FAP: variants seen among roughly 807,000 people sequenced by gnomAD.
FAP encodes fibroblast activation protein alpha, also known as prolyl endopeptidase FAP.
In FAP, 110 loss-of-function variants were observed where a neutral mutation model predicts 126.5. The observed-to-expected ratio is 0.87, with a 90% CI of 0.74 to 1.02. FAP has a LOEUF of 1.02. FAP is among the 50% of genes least tolerant of loss of function. The probability of loss-of-function intolerance (pLI) is 0.00; values close to 1 mark genes in which losing one functional copy is unlikely to be tolerated. For synonymous variants in FAP, 334 were observed against 297.3 expected, an observed-to-expected ratio of 1.12 and a Z score of -1.27; for missense variants, 919 against 909.2, an observed-to-expected ratio of 1.01 and a Z score of -0.14.
intron 2 of FAP, among the ~76,000 whole-genome samples, chr2:162,232,852 G>C (rs1218512819): frequency 6.6e-6 from 1 of 152,178 alleles, no homozygotes; most frequent in African/African-American, 2.4e-5. Context: ...AATGGCAAAT[G>C]ACCCTCTGGT....
At chr2:162,195,004 A>G (rs1005118710) in intron 16 of FAP, 6 of 491,982 alleles carry the variant, frequency 1.2e-5, no homozygotes, top group Non-Finnish European at 1.5e-5. Context: ...ATCCTGAATC[A>G]TTAATATCGA....
intron 12 of FAP, among the ~76,000 whole-genome samples, chr2:162,208,550 T>C (rs572516709): frequency 6.6e-6 from 1 of 152,320 alleles, no homozygotes; most frequent in South Asian, 2.1e-4. Flanking sequence ...AATCTAGTTA[T>C]AGTATCATCT....
chr2:162,189,625 C>G lies in FAP; in HGVS notation c.1549+31G>C, dbSNP rs749363185. 3.5e-5 allele frequency: 44 copies of G among 1,242,082 alleles called. 1 individual carries two copies. The South Asian group carries it at 3.8e-4, about 11-fold the overall frequency. 76.9% of individuals were successfully genotyped at this position (1,242,082 alleles called of 1,614,324 possible). ...GCAAGAAAATTGCTCAGCTTCATAT[C>G]TATAAATGAGAAGTTTTTAAAAGAT... On this transcript the variant is annotated intron_variant, in intron 18 of 25. Coordinates refer to ENST00000188790, the MANE Select transcript of FAP (RefSeq NM_004460.5).
At chr2:162,201,910 C>T (rs1688513479) in intron 14 of FAP, among the ~76,000 whole-genome samples, 1 of 152,324 alleles carries the variant, frequency 6.6e-6, no homozygotes, top group South Asian at 2.1e-4. Flanking sequence ...AAATGAATCT[C>T]CCACCTGTTT....
intron 2 of FAP, among the ~76,000 whole-genome samples, chr2:162,238,255 G>A (rs966040643): frequency 6.6e-6 from 1 of 152,010 alleles, no homozygotes; most frequent in African/African-American, 2.4e-5. Flanking sequence ...TTGACTGTCT[G>A]TGGTTCTTAA....
At chr2:162,220,701 T>A (rs973434567) in intron 6 of FAP, among the ~76,000 whole-genome samples, 6 of 152,188 alleles carry the variant, frequency 3.9e-5, no homozygotes, top group Admixed American at 6.5e-5. Context: ...ATGCTTAGAG[T>A]CACTCTGCAA....
intron 21 of FAP, among the ~76,000 whole-genome samples, chr2:162,177,209 T>C (rs564334985): frequency 6.6e-6 from 1 of 152,274 alleles, no homozygotes; most frequent in Non-Finnish European, 1.5e-5. Context: ...CCATTTTGTT[T>C]AAATGAGGGA....
Position 162,198,417 on chromosome 2 carries a change from G to T in FAP, c.1402+340C>A. On this transcript the variant is annotated intron_variant, in intron 16 of 25. Coordinates refer to ENST00000188790, the MANE Select transcript of FAP (RefSeq NM_004460.5). Reference sequence around the variant, plus strand: ...AGGTCTTGCGAAGCCTAGCTGACGGGTTGCCTCTGCACGCAGTCTTAGTGC... The same window carrying T: ...AGGTCTTGCGAAGCCTAGCTGACGGTTTGCCTCTGCACGCAGTCTTAGTGC... 6 of 1,165,604 alleles carry T rather than the reference G, an allele frequency of 5.1e-6. No individual in the cohort carries two copies. The South Asian group carries it at 8.8e-5, about 17-fold the overall frequency. The allele number at this position is 1,165,604 out of a possible 1,614,324, so 72.2% of individuals were successfully genotyped here. A position where few individuals can be genotyped will look rare whatever the true frequency, so the allele number is the denominator to read the frequency against.
chr2:162,202,863 A>G lies in FAP; in HGVS notation c.1223+9T>C, dbSNP rs1688549795. 6.2e-7 allele frequency: 1 copy of G among 1,609,578 alleles called. No homozygotes were observed. The highest frequency in any genetic ancestry group is 1.7e-5 in the Admixed American group (1 of 60,002). On this transcript the variant is annotated intron_variant, in intron 14 of 25. Transcript: ENST00000188790. ...CTGAATGGTGCATCGTGCTTCGTGC[A>G]ATACTTACAGTGAATCCTGTGTTAC...
intron 16 of FAP, among the ~76,000 whole-genome samples, chr2:162,195,551 G>T (rs1444195333): frequency 1.3e-5 from 2 of 151,936 alleles, no homozygotes; most frequent in Non-Finnish European, 2.9e-5. Flanking sequence ...GGCGTGCTCA[G>T]CTGTAAGTTG....
intron 17 of FAP, chr2:162,193,638 TATA>T (rs1336800424): frequency 6.6e-6 from 1 of 152,158 alleles, no homozygotes; most frequent in African/African-American, 2.4e-5. Flanking sequence ...AATTAAGAAA[TATA>T]ATCTGTTATT....
chr2:162,221,736 A>G, intron 6 of FAP: 1 of 456,730 alleles, frequency 2.2e-6, no homozygotes, highest in South Asian at 1.5e-5. Flanking sequence ...CACTAAAGGT[A>G]TGAGAAAAGG....
intron 20 of FAP, among the ~76,000 whole-genome samples, chr2:162,187,581 G>C (rs1687904828): frequency 1.3e-5 from 2 of 152,080 alleles, no homozygotes; most frequent in African/African-American, 4.8e-5. Flanking sequence ...ATATATAGTT[G>C]AGAAGAAGAA....
chr2:162,192,141 G>A (rs944368429), intron 17 of FAP, among the ~76,000 whole-genome samples: 2 of 151,888 alleles, frequency 1.3e-5, no homozygotes, highest in Admixed American at 6.6e-5. Context: ...TACAGCCATC[G>A]TCCCACCAAT....
chr2:162,184,063 T>A (rs1687782301), intron 20 of FAP, among the ~76,000 whole-genome samples: 1 of 152,084 alleles, frequency 6.6e-6, no homozygotes, highest in South Asian at 2.1e-4. Context: ...AAAATAAATC[T>A]TTCCTTAGGA....
At chr2:162,206,600 A>G (rs1688705954) in intron 12 of FAP, among the ~76,000 whole-genome samples, 1 of 152,206 alleles carries the variant, frequency 6.6e-6, no homozygotes, top group African/African-American at 2.4e-5. Flanking sequence ...AAAATAATTG[A>G]TGTGACTTTG....
chr2:162,233,007 G>C (rs547415984), intron 2 of FAP, among the ~76,000 whole-genome samples: 1 of 152,148 alleles, frequency 6.6e-6, no homozygotes, highest in South Asian at 2.1e-4. Flanking sequence ...ACTTTCCTAG[G>C]TCATTTCGTT....
At chr2:162,196,270 A>G (rs1271373839) in intron 16 of FAP, among the ~76,000 whole-genome samples, 1 of 152,200 alleles carries the variant, frequency 6.6e-6, no homozygotes, top group African/African-American at 2.4e-5. Flanking sequence ...GATAGTATTT[A>G]TTAGGCTCCC....
chr2:162,195,887 T>C (rs1274656207), intron 16 of FAP, among the ~76,000 whole-genome samples: 1 of 152,170 alleles, frequency 6.6e-6, no homozygotes, highest in Non-Finnish European at 1.5e-5. Flanking sequence ...GTGAGGATGC[T>C]ACCTTCTATG....
Sources: allele counts gnomAD v4.1 joint callset (sites outside exome capture counted in the v4.1 genomes callset), GRCh38; gene constraint gnomAD v4.1.1; transcripts MANE v1.5; gene names NCBI Gene and HGNC (gene_info 2026-07-23, HGNC 2026-07-21).